The following ZSCAN23 variants were observed in gnomAD, a reference collection of about 807,000 sequenced individuals.
ZSCAN23 encodes the protein zinc finger and SCAN domain-containing protein 23.
In ZSCAN23, 19 loss-of-function variants were observed where a neutral mutation model predicts 19.3. The ratio of observed to expected loss-of-function variants is 0.99; its 90% CI spans 0.69 to 1.45. The LOEUF (loss-of-function observed/expected upper bound fraction) is 1.45. ZSCAN23 is among the 40% of genes most tolerant of loss of function. The pLI is 0.00. For missense variants in ZSCAN23, 372 were observed against 462.5 expected, an observed-to-expected ratio of 0.80 and a Z score of 1.79; for synonymous variants, 140 against 166.2, an observed-to-expected ratio of 0.84 and a Z score of 1.21.
chr6:28,439,804 A>C (rs1244067329), intron 1 of ZSCAN23, among the ~76,000 whole-genome samples: 1 of 152,242 alleles, frequency 6.6e-6, no homozygotes, highest in Non-Finnish European at 1.5e-5. Flanking sequence ...AGTCAGTTAC[A>C]GATAGTAAGC....
chr6:28,424,860 C>A, the ZSCAN23 span, among the ~76,000 whole-genome samples: 9 of 152,292 alleles, frequency 5.9e-5, no homozygotes, highest in East Asian at 1.7e-3. Flanking sequence ...TTCCAAACTC[C>A]TGTTCATGTT....
At chr6:28,439,066 C>T (rs1257118345) in intron 1 of ZSCAN23, among the ~76,000 whole-genome samples, 1 of 151,808 alleles carries the variant, frequency 6.6e-6, no homozygotes, top group Admixed American at 6.6e-5. Flanking sequence ...TTTTTTTCCT[C>T]TAAAGACAGA....
intron 1 of ZSCAN23, among the ~76,000 whole-genome samples, chr6:28,442,196 G>A (rs1177197625): frequency 6.6e-6 from 1 of 152,114 alleles, no homozygotes; most frequent in Non-Finnish European, 1.5e-5. Flanking sequence ...TTTTAACGCA[G>A]TGATCTTGGG....
chr6:28,429,903 C>T (rs1045290149), downstream of ZSCAN23, among the ~76,000 whole-genome samples: 3 of 151,910 alleles, frequency 2.0e-5, no homozygotes, highest in Admixed American at 1.3e-4. Flanking sequence ...AACCTGAACA[C>T]CTCTCTAGGA....
At chr6:28,427,297 T>C (rs555423778), downstream of ZSCAN23, among the ~76,000 whole-genome samples, 1 of 152,364 alleles carries the variant, frequency 6.6e-6, no homozygotes, top group South Asian at 2.1e-4. Context: ...ACTCTTCTGG[T>C]TGTTCTTCCA....
At chr6:28,438,891 G>A (rs1368324193) in intron 1 of ZSCAN23, among the ~76,000 whole-genome samples, 1 of 152,112 alleles carries the variant, frequency 6.6e-6, no homozygotes, top group Non-Finnish European at 1.5e-5. Flanking sequence ...AGAAAAATTA[G>A]ATTCATATTG....
chr6:28,429,188 C>T (rs1434152767), downstream of ZSCAN23, among the ~76,000 whole-genome samples: 1 of 152,104 alleles, frequency 6.6e-6, no homozygotes, highest in African/African-American at 2.4e-5. Flanking sequence ...TCCCTATGTA[C>T]GAAGTTTATT....
In ZSCAN23 at chr6:28,433,133, G is replaced by A. The variant is rs1761793756; in HGVS notation, c.*1332C>T. 1 of 152,128 alleles carries A rather than the reference G, an allele frequency of 6.6e-6. No individual in the cohort carries two copies. Among genetic ancestry groups the A allele is most frequent in the African/African-American group, 2.4e-5 (1 of 41,428 alleles). 9.4% of individuals were successfully genotyped at this position (152,128 alleles called of 1,614,324 possible). On this transcript the variant is annotated 3_prime_UTR_variant, in exon 4 of 4. Transcript: ENST00000289788. ...TGGACTCCACTGTAAATTAAATAGA[G>A]GAGTTGTGCTTTATTGAAACATATA...
rs1316163610 is a variant in ZSCAN23 at position 28,434,909 on chromosome 6, G to A, written c.726C>T (p.Ser242=). Reference sequence around the variant, plus strand: ...AGATATAGGGTCTCTCCACTGAAGAGCTCACCCTTTGCTTTTCCAATCTGC... The same window carrying A: ...AGATATAGGGTCTCTCCACTGAAGAACTCACCCTTTGCTTTTCCAATCTGC... ...REGRLEKQRV[S]SSVERPYICS... Residue 242 remains serine (S), a synonymous_variant, in exon 4 of 4, where the codon AGC becomes AGT. Coordinates refer to ENST00000289788, the MANE Select transcript of ZSCAN23 (RefSeq NM_001012455.2). The A allele has an allele frequency of 6.4e-7, 1 of 1,552,744 alleles. No homozygotes were observed. The highest frequency in any genetic ancestry group is 8.7e-7 in the Non-Finnish European group (1 of 1,147,552).
At chr6:28,435,369 G>A (rs752746975) in intron 3 of ZSCAN23, 91 bp downstream of exon 3, 9 of 1,455,020 alleles carry the variant, frequency 6.2e-6, no homozygotes, top group Non-Finnish European at 8.3e-6. Flanking sequence ...CTGGCACAGT[G>A]CCTGGCATAC....
Position 28,443,434 on chromosome 6 carries a change from G to C in ZSCAN23, c.-113C>G, listed in dbSNP as rs1037421082. 3 of 152,324 alleles carry C rather than the reference G, an allele frequency of 2.0e-5. No homozygotes were observed. The highest frequency in any genetic ancestry group is 7.2e-5 in the African/African-American group (3 of 41,464). The allele number at this position is 152,324 out of a possible 1,614,324, so 9.4% of individuals were successfully genotyped here. On this transcript the variant is annotated 5_prime_UTR_variant, in exon 1 of 4. In the 5' UTR this introduces an upstream ATG that the reference lacks. Transcript: ENST00000289788. ...GTGAGAGGAGATGCCACCTAGCGCA[G>C]ATCACATCTGCTCTGAATCCTTGAC...
In ZSCAN23 at chr6:28,434,809, G is replaced by C; in HGVS notation, c.826C>G (p.Pro276Ala). Residue 276 changes from proline to alanine, a missense_variant, in exon 4 of 4, where the codon CCT becomes GCT. Pro to Ala is a conservative substitution (Grantham distance 27). Transcript: ENST00000289788. ...CGCCCACACTCATCACATTCATAAGGCTTCTCACCTGTGTGTGTTCTCTGG... is the reference window on the plus strand; with the variant it reads ...CGCCCACACTCATCACATTCATAAGCCTTCTCACCTGTGTGTGTTCTCTGG... ...EHQRTHTGEK[P>A]YECDECGRAF... 1.3e-6 allele frequency: 2 copies of C among 1,598,488 alleles called. No individual in the cohort carries two copies. The highest frequency in any genetic ancestry group is 1.7e-6 in the Non-Finnish European group (2 of 1,172,256).
intron 2 of ZSCAN23, 86 bp downstream of exon 2, chr6:28,435,773 A>C: frequency 6.9e-7 from 1 of 1,440,454 alleles, no homozygotes; most frequent in Non-Finnish European, 9.2e-7. Flanking sequence ...ATAAAAAAAA[A>C]ATCCTCCTCC....
chr6:28,423,687 C>T, the ZSCAN23 span, among the ~76,000 whole-genome samples: 2 of 152,186 alleles, frequency 1.3e-5, no homozygotes, highest in African/African-American at 4.8e-5. Flanking sequence ...ACACTTCTTT[C>T]ATTCTTCTGC....
intron 1 of ZSCAN23, among the ~76,000 whole-genome samples, chr6:28,441,782 A>G (rs1762006454): frequency 6.6e-6 from 1 of 151,758 alleles, no homozygotes; most frequent in Non-Finnish European, 1.5e-5. Context: ...ATGTGCACAC[A>G]TAGAGTTGAT....
rs1420501154 is a variant in ZSCAN23, at chr6:28,434,638, A to G, written c.997T>C (p.Tyr333His). The change falls in exon 4 of 4, where the codon TAC becomes CAC. Residue 333 changes from tyrosine to histidine, a missense_variant. Physicochemically the swap from Tyr to His is moderately conservative, Grantham distance 83. Coordinates refer to ENST00000289788, the MANE Select transcript of ZSCAN23 (RefSeq NM_001012455.2). ...HLRIHTGEKP[Y>H]QCNQCNKSFS... is the part of the protein sequence containing the mutation. ...CTCTTATTGCACTGATTGCACTGGT[A>G]AGGCTTCTCCCCAGTGTGAATTCTG... 6.4e-7 allele frequency: 1 copy of G among 1,562,408 alleles called. No individual in the cohort carries two copies. The highest frequency in any genetic ancestry group is 1.9e-5 in the Admixed American group (1 of 51,758).
At chr6:28,442,641 T>C (rs1762024074) in intron 1 of ZSCAN23, among the ~76,000 whole-genome samples, 1 of 152,260 alleles carries the variant, frequency 6.6e-6, no homozygotes, top group African/African-American at 2.4e-5. Context: ...TCCCGGGTTA[T>C]AGCTGTAAAG....
intron 1 of ZSCAN23, among the ~76,000 whole-genome samples, chr6:28,439,031 A>C (rs879635466): frequency 6.6e-6 from 1 of 152,028 alleles, no homozygotes; most frequent in Non-Finnish European, 1.5e-5. Context: ...TTCTGTAATC[A>C]CTACCCCAGG....
chr6:28,430,867 C>T (rs114878311), downstream of ZSCAN23, among the ~76,000 whole-genome samples: 357 of 152,280 alleles, frequency 2.3e-3, 2 homozygotes, highest in African/African-American at 8.0e-3. Context: ...ATCCGACTAC[C>T]TGCTTAAAAT....
Sources: allele counts gnomAD v4.1 joint callset (sites outside exome capture counted in the v4.1 genomes callset), GRCh38; gene constraint gnomAD v4.1.1; transcripts MANE v1.5; gene names NCBI Gene and HGNC (gene_info 2026-07-23, HGNC 2026-07-21).